Variants in ANKS1B observed in about 807,000 individuals in gnomAD.
ANKS1B encodes ankyrin repeat and sterile alpha motif domain containing 1B.
ANKS1B carries 36 observed loss-of-function variants against 148.3 expected under a neutral mutation model. The ratio of observed to expected loss-of-function variants is 0.24; its 90% CI spans 0.19 to 0.32. The LOEUF is 0.32. Among genes scored for constraint, ANKS1B ranks in the 10% least tolerant of loss-of-function variants. The pLI is 1.00. For synonymous variants in ANKS1B, 542 were observed against 560.8 expected (o/e 0.97, Z 0.47); for missense variants, 1,157 against 1,542.6 (o/e 0.75, Z 4.19).
intron 17 of ANKS1B, among the ~76,000 whole-genome samples, chr12:99,025,675 A>G (rs2099948333): frequency 6.6e-6 from 1 of 152,220 alleles, no homozygotes; most frequent in Non-Finnish European, 1.5e-5. Context: ...AATGGAGCCC[A>G]CCAGGACAAA....
At chr12:99,637,447 A>G (rs1359179585) in intron 9 of ANKS1B, among the ~76,000 whole-genome samples, 1 of 152,172 alleles carries the variant, frequency 6.6e-6, no homozygotes, top group East Asian at 1.9e-4. Flanking sequence ...TGAAGGATGC[A>G]AAGTATTGAT....
intron 8 of ANKS1B, among the ~76,000 whole-genome samples, chr12:99,716,462 C>T (rs1336023803): frequency 3.3e-5 from 5 of 152,068 alleles, no homozygotes; most frequent in African/African-American, 1.2e-4. Context: ...ACTCCTTCTT[C>T]TCCCTTAGCC....
chr12:99,809,632 T>C (rs1370798941), intron 3 of ANKS1B, among the ~76,000 whole-genome samples: 3 of 152,074 alleles, frequency 2.0e-5, no homozygotes, highest in Non-Finnish European at 1.5e-5. Flanking sequence ...CTTATCTGTA[T>C]AATGAGAATA....
chr12:98,941,357 A>G (rs563059946), intron 17 of ANKS1B, among the ~76,000 whole-genome samples: 1 of 152,192 alleles, frequency 6.6e-6, no homozygotes, highest in Non-Finnish European at 1.5e-5. Flanking sequence ...GACCACTAAC[A>G]AAAAGCATAT....
chr12:99,567,967 C>T (rs1427665691), intron 9 of ANKS1B, among the ~76,000 whole-genome samples: 5 of 152,178 alleles, frequency 3.3e-5, no homozygotes, highest in Non-Finnish European at 7.4e-5. Context: ...GTGAGGTTTT[C>T]AGACTTGACA....
intron 12 of ANKS1B, among the ~76,000 whole-genome samples, chr12:99,322,329 G>A (rs1243977240): frequency 5.3e-5 from 8 of 151,936 alleles, no homozygotes; most frequent in African/African-American, 1.9e-4. Context: ...ACAGGGGGGT[G>A]AACAACACAC....
chr12:99,001,063 A>G (rs2099932695), intron 17 of ANKS1B, among the ~76,000 whole-genome samples: 1 of 151,934 alleles, frequency 6.6e-6, no homozygotes, highest in African/African-American at 2.4e-5. Flanking sequence ...TTATTTCCAC[A>G]TCTTGTTTTT....
intron 8 of ANKS1B, among the ~76,000 whole-genome samples, chr12:99,767,732 A>G (rs1419349660): frequency 6.6e-6 from 1 of 152,164 alleles, no homozygotes; most frequent in Non-Finnish European, 1.5e-5. Flanking sequence ...GATGCATATT[A>G]TAAGAGTATA....
At chr12:99,391,446 T>G (rs1190462393) in intron 12 of ANKS1B, among the ~76,000 whole-genome samples, 2 of 152,194 alleles carry the variant, frequency 1.3e-5, no homozygotes, top group African/African-American at 4.8e-5. Context: ...AATATGCTAT[T>G]CCTTCTTTAA....
At chr12:98,990,934 G>A (rs1598126059) in intron 17 of ANKS1B, among the ~76,000 whole-genome samples, 1 of 152,178 alleles carries the variant, frequency 6.6e-6, no homozygotes, top group Non-Finnish European at 1.5e-5. Flanking sequence ...TTGTCCTAGT[G>A]GCAGCAGGTG....
At chr12:99,955,410 G>A (rs947532307) in intron 1 of ANKS1B, among the ~76,000 whole-genome samples, 5 of 146,494 alleles carry the variant, frequency 3.4e-5, no homozygotes, top group Middle Eastern at 3.3e-3. Context: ...GGAGAATGGC[G>A]TGAACCCGGG....
intron 9 of ANKS1B, among the ~76,000 whole-genome samples, chr12:99,555,952 T>C (rs1008689873): frequency 3.9e-5 from 6 of 152,202 alleles, no homozygotes; most frequent in African/African-American, 1.4e-4. Context: ...ACTCACAGAA[T>C]GAGCTGGAGA....
intron 9 of ANKS1B, among the ~76,000 whole-genome samples, chr12:99,642,352 A>G (rs2098316682): frequency 8.3e-6 from 1 of 121,048 alleles, no homozygotes. Context: ...TAATTTCTGT[A>G]GCTATTGTAT....
chr12:98,823,071 A>T (rs973476835), intron 19 of ANKS1B, among the ~76,000 whole-genome samples: 1 of 152,242 alleles, frequency 6.6e-6, no homozygotes, highest in African/African-American at 2.4e-5. Context: ...TCAGGTTTAA[A>T]TTCCAAGTAT....
intron 1 of ANKS1B, among the ~76,000 whole-genome samples, chr12:99,874,731 T>C (rs2153731509): frequency 6.6e-6 from 1 of 152,344 alleles, no homozygotes; most frequent in East Asian, 1.9e-4. Context: ...AGGCCTGGTG[T>C]CAACTGCTGT....
chr12:99,155,800 T>C (rs986053582), intron 14 of ANKS1B, among the ~76,000 whole-genome samples: 1 of 152,166 alleles, frequency 6.6e-6, no homozygotes, highest in Non-Finnish European at 1.5e-5. Flanking sequence ...CCTAGAGGAA[T>C]ATCTTCCAAC....
At chr12:99,238,906 T>G (rs1165807509) in intron 14 of ANKS1B, among the ~76,000 whole-genome samples, 1 of 152,194 alleles carries the variant, frequency 6.6e-6, no homozygotes, top group Non-Finnish European at 1.5e-5. Flanking sequence ...AAACCCCATC[T>G]GTATAGGTCA....
At position 99,984,591 on chromosome 12, in the gene ANKS1B, A is replaced by T. The variant is rs1250859587; in HGVS notation, c.-354T>A. ...TTTGAGGAGCGGGAGGAGGGTGGTG[A>T]GGACTGAGGTCGGAGGAGGAGGAGG... On this transcript the variant is annotated 5_prime_UTR_variant, in exon 1 of 27. Coordinates refer to ENST00000683438, the MANE Select transcript of ANKS1B (RefSeq NM_001352186.2). 1.5e-5 allele frequency: 3 copies of T among 197,820 alleles called. No homozygotes were observed. In the East Asian group the frequency reaches 3.6e-4, roughly 24 times the overall value. The allele number at this position is 197,820 out of a possible 1,614,324, so 12.3% of individuals were successfully genotyped here.
intron 12 of ANKS1B, among the ~76,000 whole-genome samples, chr12:99,312,915 C>T (rs2083383203): frequency 1.3e-5 from 2 of 151,922 alleles, no homozygotes; most frequent in Admixed American, 1.3e-4. Context: ...CAAGAAATAA[C>T]TAAGATGAGA....
Sources: gnomAD v4.1 joint callset for allele counts (sites outside exome capture counted in the v4.1 genomes callset) on GRCh38, gnomAD v4.1.1 for gene constraint, MANE v1.5 for transcripts, NCBI Gene and HGNC (gene_info 2026-07-23, HGNC 2026-07-21) for gene names.